Variants in NXPH1 observed in about 807,000 individuals in gnomAD.
NXPH1 encodes the protein neurexophilin-1.
Under a neutral mutation model 23.7 loss-of-function variants are expected in NXPH1, and 5 were observed. The ratio of observed to expected loss-of-function variants is 0.21; its 90% CI spans 0.11 to 0.44. The LOEUF is 0.44. Ranked by LOEUF, NXPH1 falls within the 20% of genes least tolerant of loss-of-function variation. The probability of loss-of-function intolerance (pLI) is 0.99; values close to 1 mark genes in which losing one functional copy is unlikely to be tolerated. For synonymous variants in NXPH1, 144 were observed against 122.2 expected, an observed-to-expected ratio of 1.18 and a Z score of -1.18; for missense variants, 324 against 321.6, an observed-to-expected ratio of 1.01 and a Z score of -0.06.
chr7:8,553,131 T>G (rs1428047491), intron 2 of NXPH1, among the ~76,000 whole-genome samples: 1 of 151,546 alleles, frequency 6.6e-6, no homozygotes, highest in Admixed American at 6.6e-5. Flanking sequence ...CTTTGGAAAT[T>G]GTGCAGATTC....
chr7:8,716,048 A>T (rs954131717), intron 2 of NXPH1, among the ~76,000 whole-genome samples: 2 of 152,268 alleles, frequency 1.3e-5, no homozygotes, highest in Admixed American at 1.3e-4. Context: ...CACTAATGTG[A>T]GTTTCACATG....
intron 2 of NXPH1, among the ~76,000 whole-genome samples, chr7:8,634,280 G>A (rs943050176): frequency 4.6e-5 from 7 of 152,030 alleles, no homozygotes; most frequent in Non-Finnish European, 8.8e-5. Flanking sequence ...CATAAAGGGC[G>A]GTTCCCCTGC....
intron 2 of NXPH1, among the ~76,000 whole-genome samples, chr7:8,504,345 T>C (rs1817487261): frequency 6.6e-6 from 1 of 152,064 alleles, no homozygotes; most frequent in Non-Finnish European, 1.5e-5. Context: ...TTTCATTTTG[T>C]TTATATATAA....
intron 2 of NXPH1, among the ~76,000 whole-genome samples, chr7:8,703,307 C>T (rs572447151): frequency 4.6e-5 from 7 of 152,240 alleles, no homozygotes; most frequent in South Asian, 4.1e-4. Flanking sequence ...GCAATTATTA[C>T]GTCTGTGCTA....
chr7:8,645,336 T>A (rs1386971858), intron 2 of NXPH1, among the ~76,000 whole-genome samples: 1 of 152,130 alleles, frequency 6.6e-6, no homozygotes, highest in Non-Finnish European at 1.5e-5. Flanking sequence ...TTTTCAAAGC[T>A]TTAAAATGTC....
chr7:8,635,634 TG>T (rs1421877623), intron 2 of NXPH1, among the ~76,000 whole-genome samples: 1 of 152,216 alleles, frequency 6.6e-6, no homozygotes, highest in Non-Finnish European at 1.5e-5. Flanking sequence ...GGAGAGTGAC[TG>T]TGATGACACC....
chr7:8,623,760 C>T (rs1253415077), intron 2 of NXPH1, among the ~76,000 whole-genome samples: 3 of 150,274 alleles, frequency 2.0e-5, no homozygotes, highest in Non-Finnish European at 4.4e-5. Flanking sequence ...TATGTATATG[C>T]ATATGTGTAT....
At chr7:8,464,946 G>A (rs534908858) in intron 2 of NXPH1, among the ~76,000 whole-genome samples, 2 of 152,076 alleles carry the variant, frequency 1.3e-5, no homozygotes, top group Admixed American at 6.6e-5. Flanking sequence ...ATGTTTTTTT[G>A]AATGAGGGAG....
In NXPH1 at chr7:8,440,094, T is replaced by C. The variant is rs139123910; in HGVS notation, c.54+4327T>C. ...TTCTACTACAGACCAGCCTTTTAGATACATACGGGATTCAGACTAGATTTT... is the reference window on the plus strand; with the variant it reads ...TTCTACTACAGACCAGCCTTTTAGACACATACGGGATTCAGACTAGATTTT... On this transcript the variant is annotated intron_variant, in intron 2 of 2. Transcript: ENST00000405863. Among the ~76,000 whole-genome samples the C allele has an allele frequency of 1.7e-3, 258 of 152,344 alleles. 2 individuals carry two copies. Among genetic ancestry groups the C allele is most frequent in the Non-Finnish European group, 3.1e-3 (213 of 68,024 alleles).
chr7:8,727,308 GT>G (rs1780073558), intron 2 of NXPH1, among the ~76,000 whole-genome samples: 2 of 134,300 alleles, frequency 1.5e-5, no homozygotes, highest in South Asian at 4.9e-4. Flanking sequence ...TCTGATGGTA[GT>G]TTCTTTTGCT....
At chr7:8,598,809 C>CT (rs1479094737) in intron 2 of NXPH1, among the ~76,000 whole-genome samples, 1 of 152,060 alleles carries the variant, frequency 6.6e-6, no homozygotes, top group Non-Finnish European at 1.5e-5. Flanking sequence ...TCAGTTACTC[C>CT]TTTTTTCTCT....
intron 2 of NXPH1, among the ~76,000 whole-genome samples, chr7:8,610,901 T>G (rs1819603004): frequency 1.3e-5 from 2 of 151,914 alleles, no homozygotes; most frequent in Admixed American, 1.3e-4. Context: ...GAGGCTCAGG[T>G]GGGCATGGAA....
chr7:8,475,551 G>T (rs1305808910), intron 2 of NXPH1, among the ~76,000 whole-genome samples: 1 of 152,126 alleles, frequency 6.6e-6, no homozygotes, highest in Non-Finnish European at 1.5e-5. Flanking sequence ...TCTGTGAATT[G>T]CATAAAGTGG....
intron 2 of NXPH1, among the ~76,000 whole-genome samples, chr7:8,636,185 T>A (rs1304308311): frequency 1.3e-5 from 2 of 152,182 alleles, no homozygotes; most frequent in African/African-American, 4.8e-5. Flanking sequence ...ACTCTTTCAC[T>A]CAATAGCCAA....
chr7:8,551,558 TTAAA>T (rs1301695409), intron 2 of NXPH1, among the ~76,000 whole-genome samples: 1 of 151,540 alleles, frequency 6.6e-6, no homozygotes. Flanking sequence ...AATACTGTGT[TTAAA>T]TAAAATAAGA....
intron 2 of NXPH1, among the ~76,000 whole-genome samples, chr7:8,469,916 T>C (rs970460851): frequency 2.0e-5 from 3 of 152,174 alleles, no homozygotes; most frequent in Admixed American, 2.0e-4. Context: ...AAAGTCCATA[T>C]GGCTAATTAT....
intron 2 of NXPH1, among the ~76,000 whole-genome samples, chr7:8,554,115 C>A (rs985115340): frequency 1.3e-5 from 2 of 151,554 alleles, no homozygotes; most frequent in African/African-American, 4.8e-5. Context: ...TAAGTAAGAT[C>A]TTGGTCTCAA....
At chr7:8,634,651 G>A (rs1820188071) in intron 2 of NXPH1, among the ~76,000 whole-genome samples, 1 of 136,942 alleles carries the variant, frequency 7.3e-6, no homozygotes, top group Admixed American at 7.5e-5. Context: ...GCATGGTAGA[G>A]ATTGTCCAGA....
chr7:8,613,767 G>A (rs149446263), intron 2 of NXPH1, among the ~76,000 whole-genome samples: 82 of 150,732 alleles, frequency 5.4e-4, no homozygotes, highest in Middle Eastern at 6.9e-3. Context: ...CTGGCTATAG[G>A]GATTTTATTT....
Sources: allele counts gnomAD v4.1 joint callset (sites outside exome capture counted in the v4.1 genomes callset), GRCh38; gene constraint gnomAD v4.1.1; transcripts MANE v1.5; gene names NCBI Gene and HGNC (gene_info 2026-07-23, HGNC 2026-07-21).